Variants in ZFPM2 observed in about 807,000 individuals in gnomAD.
ZFPM2 encodes the protein zinc finger protein ZFPM2.
In ZFPM2, 20 loss-of-function variants were observed where a neutral mutation model predicts 98.6. The observed-to-expected ratio is 0.20, with a 90% CI of 0.14 to 0.29. The LOEUF (loss-of-function observed/expected upper bound fraction) is 0.29, where lower values mean the gene tolerates loss of function less well. Ranked by LOEUF, ZFPM2 falls within the 10% of genes least tolerant of loss-of-function variation. The pLI is 1.00. For missense variants in ZFPM2, 1,310 were observed against 1,388.6 expected (o/e 0.94, Z 0.90); for synonymous variants, 518 against 502.7 (o/e 1.03, Z -0.41).
At chr8:105,767,864 T>A (rs1385596740) in intron 5 of ZFPM2, among the ~76,000 whole-genome samples, 1 of 151,898 alleles carries the variant, frequency 6.6e-6, no homozygotes, top group Admixed American at 6.6e-5. Flanking sequence ...CTTTCCAAAA[T>A]TTAGATGTTT....
chr8:105,801,147 C>A lies in ZFPM2; in HGVS notation c.1065C>A (p.Phe355Leu), dbSNP rs1477238316. ...DSVINFHQHL[F>L]SHLTQAAFRC... ...TGATCAACTTTCACCAACACCTGTT[C>A]TCCCATCTCACTCAAGCTGCCTTCC... Residue 355 changes from phenylalanine to leucine, a missense_variant, in exon 8 of 8, where the codon TTC (phenylalanine) becomes TTA (leucine). Transcript: ENST00000407775. The A allele has an allele frequency of 6.2e-7, 1 of 1,613,848 alleles. No individual in the cohort carries two copies. Among genetic ancestry groups the A allele is most frequent in the Non-Finnish European group, 8.5e-7 (1 of 1,179,884 alleles).
intron 4 of ZFPM2, among the ~76,000 whole-genome samples, chr8:105,590,014 C>T (rs1249097512): frequency 2.0e-5 from 3 of 152,284 alleles, no homozygotes; most frequent in Non-Finnish European, 1.5e-5. Flanking sequence ...GCCACTGCTC[C>T]CGGCTTCTTT....
At chr8:105,368,412 G>T (rs1810551457) in intron 1 of ZFPM2, among the ~76,000 whole-genome samples, 1 of 152,198 alleles carries the variant, frequency 6.6e-6, no homozygotes, top group African/African-American at 2.4e-5. Context: ...CTTCCTTGCT[G>T]GTTTATTTGC....
intron 5 of ZFPM2, among the ~76,000 whole-genome samples, chr8:105,666,068 A>T (rs1392710431): frequency 6.6e-6 from 1 of 152,150 alleles, no homozygotes; most frequent in African/African-American, 2.4e-5. Flanking sequence ...TGAATCATTG[A>T]TATTATTTGA....
In ZFPM2 at chr8:105,802,543, G is replaced by A; in HGVS notation, c.2461G>A (p.Val821Ile). 1 of 1,611,906 alleles carries A rather than the reference G, an allele frequency of 6.2e-7. No individual in the cohort carries two copies. Among genetic ancestry groups the A allele is most frequent in the Non-Finnish European group, 8.5e-7 (1 of 1,178,926 alleles). ...VSKCDTTHSS[V>I]SCLEMDVPID... ...CAAATGTGATACTACTCATTCCAGT[G>A]TTTCCTGCCTAGAGATGGACGTGCC... The change falls in exon 8 of 8, where the codon GTT (valine) becomes ATT (isoleucine). Residue 821 changes from valine (V) to isoleucine (I), a missense_variant. Transcript: ENST00000407775.
chr8:105,625,674 A>T (rs573484819), intron 4 of ZFPM2, among the ~76,000 whole-genome samples: 2 of 151,360 alleles, frequency 1.3e-5, no homozygotes. Flanking sequence ...TCCGCCTCCC[A>T]GGTTCAAGCA....
chr8:105,620,797 C>T (rs1462719731), intron 4 of ZFPM2, among the ~76,000 whole-genome samples: 1 of 152,002 alleles, frequency 6.6e-6, no homozygotes, highest in Non-Finnish European at 1.5e-5. Flanking sequence ...GAATCCTTTC[C>T]CCATTTCTTG....
At chr8:105,387,578 C>T (rs1380410387) in intron 1 of ZFPM2, 1 of 153,110 alleles carries the variant, frequency 6.5e-6, no homozygotes, top group East Asian at 1.9e-4. Flanking sequence ...TGGCTGGCCG[C>T]TCTGAGTGCA....
intron 1 of ZFPM2, among the ~76,000 whole-genome samples, chr8:105,394,296 G>A (rs1811178279): frequency 6.6e-6 from 1 of 152,148 alleles, no homozygotes; most frequent in South Asian, 2.1e-4. Flanking sequence ...GGAGCTCCCT[G>A]CTGCCTTTGT....
chr8:105,348,746 A>G (rs1245273081), intron 1 of ZFPM2, among the ~76,000 whole-genome samples: 1 of 152,188 alleles, frequency 6.6e-6, no homozygotes, highest in Non-Finnish European at 1.5e-5. Context: ...ATATTAGATA[A>G]TTCATTTAAA....
chr8:105,543,199 T>C (rs2130631853), intron 3 of ZFPM2, among the ~76,000 whole-genome samples: 1 of 152,270 alleles, frequency 6.6e-6, no homozygotes, highest in Non-Finnish European at 1.5e-5. Flanking sequence ...AGAAGCGAAA[T>C]ACAAGGCCGG....
At chr8:105,497,985 G>C (rs1184800426) in intron 3 of ZFPM2, among the ~76,000 whole-genome samples, 1 of 150,006 alleles carries the variant, frequency 6.7e-6, no homozygotes, top group Non-Finnish European at 1.5e-5. Context: ...TAGGAGTTCA[G>C]GTCTAACCTG....
At chr8:105,564,073 C>A (rs1444874025) in intron 4 of ZFPM2, among the ~76,000 whole-genome samples, 1 of 151,844 alleles carries the variant, frequency 6.6e-6, no homozygotes, top group East Asian at 1.9e-4. Context: ...TTTTATTTTT[C>A]ATTGAAATAA....
chr8:105,496,909 G>A (rs1384423038), intron 3 of ZFPM2, among the ~76,000 whole-genome samples: 21 of 144,896 alleles, frequency 1.4e-4, no homozygotes, highest in Admixed American at 1.3e-3. Flanking sequence ...TTGAATCCGG[G>A]AGTCAGAGGT....
At chr8:105,419,562 A>C (rs1811752642) in intron 2 of ZFPM2, among the ~76,000 whole-genome samples, 2 of 152,306 alleles carry the variant, frequency 1.3e-5, no homozygotes. Context: ...TTATTGGCCA[A>C]TTAACTGTGA....
intron 5 of ZFPM2, among the ~76,000 whole-genome samples, chr8:105,656,186 T>C (rs1817282085): frequency 6.6e-6 from 1 of 152,016 alleles, no homozygotes. Flanking sequence ...CATATCCCTC[T>C]TTGCCTCCTT....
chr8:105,799,137 G>A (rs1306175614), intron 7 of ZFPM2, among the ~76,000 whole-genome samples, 189 bp downstream of exon 7: 1 of 151,934 alleles, frequency 6.6e-6, no homozygotes, highest in Non-Finnish European at 1.5e-5. Flanking sequence ...AAAGGACTTG[G>A]GTCTGAATTC....
At chr8:105,759,447 A>G (rs1306491343) in intron 5 of ZFPM2, among the ~76,000 whole-genome samples, 1 of 152,056 alleles carries the variant, frequency 6.6e-6, no homozygotes, top group Non-Finnish European at 1.5e-5. Flanking sequence ...TTCCTGAGCC[A>G]GCTCAAATCC....
At chr8:105,778,995 T>C (rs1813180047) in intron 5 of ZFPM2, among the ~76,000 whole-genome samples, 1 of 151,944 alleles carries the variant, frequency 6.6e-6, no homozygotes, top group South Asian at 2.1e-4. Context: ...TCCCCCAGAA[T>C]TTCTAGTCTA....
Sources: allele counts gnomAD v4.1 joint callset (sites outside exome capture counted in the v4.1 genomes callset), GRCh38; gene constraint gnomAD v4.1.1; transcripts MANE v1.5; gene names NCBI Gene and HGNC (gene_info 2026-07-23, HGNC 2026-07-21).